PRDM7: variants seen among roughly 807,000 people sequenced by gnomAD.
PRDM7 encodes PR/SET domain 7, also known as histone-lysine N-methyltransferase PRDM7.
In PRDM7, 52 loss-of-function variants were observed where a neutral mutation model predicts 64.3. That is an observed-to-expected ratio of 0.81 (90% CI 0.65 to 1.02). PRDM7 has a LOEUF of 1.02. PRDM7 is among the 50% of genes least tolerant of loss of function. The pLI, the probability that PRDM7 is intolerant of heterozygous loss-of-function variation, is 0.00. For missense variants in PRDM7, 574 were observed against 597.1 expected, an observed-to-expected ratio of 0.96 and a Z score of 0.40; for synonymous variants, 192 against 210.1, an observed-to-expected ratio of 0.91 and a Z score of 0.74.
rs868754514 is a variant in PRDM7 at position 90,075,209 on chromosome 16, A to G, written c.193+142T>C. On this transcript the variant is annotated intron_variant, in intron 3 of 10. Transcript: ENST00000449207. This position sits in a 1 kb window ranked among gnomAD's most constrained non-coding sequence, Gnocchi z 4.3. ...ACACACAACCCTGCACTGACGCAAAAGAACAATATTTCCCTCCAGATTTGT... is the reference window on the plus strand; with the variant it reads ...ACACACAACCCTGCACTGACGCAAAGGAACAATATTTCCCTCCAGATTTGT... 3 of 1,508,020 alleles carry G rather than the reference A, an allele frequency of 2.0e-6. No homozygotes were observed. In the Middle Eastern group the frequency reaches 5.3e-4, roughly 264 times the overall value. The allele number at this position is 1,508,020 out of a possible 1,614,324, so 93.4% of individuals were successfully genotyped here. A position where few individuals can be genotyped will look rare whatever the true frequency, so the allele number is the denominator to read the frequency against.
chr16:90,072,104 G>A (rs1219053266), intron 4 of PRDM7, among the ~76,000 whole-genome samples: 2 of 151,936 alleles, frequency 1.3e-5, no homozygotes, highest in Admixed American at 6.6e-5. Context: ...GGTGGCAGGC[G>A]CTTGTAGTCC....
intron 10 of PRDM7, among the ~76,000 whole-genome samples, chr16:90,059,098 A>G (rs1259472985): frequency 6.6e-6 from 1 of 152,218 alleles, no homozygotes; most frequent in Non-Finnish European, 1.5e-5. Flanking sequence ...GAATTTGAGT[A>G]TCCTCATTCA....
rs1227852321 is a variant in PRDM7 at position 90,063,984 on chromosome 16, G to A, written c.352-216C>T. 2.6e-5 allele frequency among the ~76,000 whole-genome samples: 4 copies of A among 152,260 alleles called. No homozygotes were observed. The East Asian group carries it at 7.7e-4, about 29-fold the overall frequency. On this transcript the variant is annotated intron_variant, in intron 5 of 10. Coordinates refer to ENST00000449207, the MANE Select transcript of PRDM7 (RefSeq NM_001098173.2). ...CTTTCCTTCAACTTCCTCTCAAAAC[G>A]TTCTGTGTAAGTTAAAGGGAAGGAG...
chr16:90,076,185 C>T (rs1320779210), intron 1 of PRDM7, among the ~76,000 whole-genome samples, 190 bp from the exon 2 acceptor site: 1 of 152,180 alleles, frequency 6.6e-6, no homozygotes, highest in Non-Finnish European at 1.5e-5. Flanking sequence ...GAGCTGCCAC[C>T]TAATGTAAGC....
chr16:90,061,397 C>T (rs1567875272), intron 9 of PRDM7, 55 bp downstream of exon 9: 29 of 1,516,932 alleles, frequency 1.9e-5, no homozygotes, highest in South Asian at 4.6e-5. Flanking sequence ...GAAGGAAGTC[C>T]GGGTTTGTGA....
rs550234443 is a variant in PRDM7 at position 90,075,092 on chromosome 16, T to A, written c.194-69A>T. Reference sequence around the variant, plus strand: ...GATGAGGAACAAAGGGCAGTGGCAATGGAAAGCACCACAAAGCCAGTGCTG... The same window carrying A: ...GATGAGGAACAAAGGGCAGTGGCAAAGGAAAGCACCACAAAGCCAGTGCTG... On this transcript the variant is annotated intron_variant, in intron 3 of 10. Transcript: ENST00000449207. This position sits in a 1 kb window ranked among gnomAD's most constrained non-coding sequence, Gnocchi z 4.3. The A allele has an allele frequency of 8.0e-5, 123 of 1,545,730 alleles. 1 individual carries two copies. In the South Asian group the frequency reaches 1.3e-3, roughly 17 times the overall value.
chr16:90,071,019 A>T (rs1204723125), intron 4 of PRDM7, among the ~76,000 whole-genome samples: 1 of 152,252 alleles, frequency 6.6e-6, no homozygotes, highest in Non-Finnish European at 1.5e-5. Flanking sequence ...AAAAACCAGA[A>T]AATAGCAATG....
chr16:90,075,533 T>C lies in PRDM7; in HGVS notation c.70-59A>G. On this transcript the variant is annotated intron_variant, in intron 2 of 10. Coordinates refer to ENST00000449207, the MANE Select transcript of PRDM7 (RefSeq NM_001098173.2). This position sits in a 1 kb window ranked among gnomAD's most constrained non-coding sequence, Gnocchi z 4.3. ...CTAATACACATCGAGCTGGTCCTTT[T>C]CCTCTACCCTGCGTGTAGGGCATAG... 9.3e-6 allele frequency: 15 copies of C among 1,613,718 alleles called. No homozygotes were observed. The highest frequency in any genetic ancestry group is 1.3e-5 in the Non-Finnish European group (15 of 1,179,716).
At chr16:90,073,676 T>C (rs879371161) in intron 4 of PRDM7, among the ~76,000 whole-genome samples, 1 of 150,932 alleles carries the variant, frequency 6.6e-6, no homozygotes, top group Admixed American at 6.6e-5. Flanking sequence ...TGGGATTACA[T>C]TGTGCTTGTT....
intron 4 of PRDM7, among the ~76,000 whole-genome samples, chr16:90,071,230 C>A (rs1212816742): frequency 6.6e-6 from 1 of 152,120 alleles, no homozygotes; most frequent in Non-Finnish European, 1.5e-5. Context: ...CTCCCGGGTT[C>A]AAGTGATTCT....
At chr16:90,068,168 A>G (rs1175349645) in intron 4 of PRDM7, among the ~76,000 whole-genome samples, 1 of 150,462 alleles carries the variant, frequency 6.6e-6, no homozygotes, top group African/African-American at 2.5e-5. Context: ...AGTCCCAGCT[A>G]CTCGGGAGGC....
At position 90,058,462 on chromosome 16, in the gene PRDM7, T is replaced by C; in HGVS notation, c.1306A>G (p.Met436Val). 1 of 1,614,200 alleles carries C rather than the reference T, an allele frequency of 6.2e-7. No individual in the cohort carries two copies. The highest frequency in any genetic ancestry group is 8.5e-7 in the Non-Finnish European group (1 of 1,180,042). ...CTGAGAGGAGTGATTGCGTTCCACATGTTGACTGAGAAATTTTTGACTTGA... is the reference window on the plus strand; with the variant it reads ...CTGAGAGGAGTGATTGCGTTCCACACGTTGACTGAGAAATTTTTGACTTGA... ...PFQVKNFSVN[M>V]WNAITPLRTS... Residue 436 changes from methionine to valine, a missense_variant, in exon 11 of 11, where the codon ATG becomes GTG. By Grantham distance (21) the Met-to-Val change is conservative (BLOSUM62 1). Coordinates refer to ENST00000449207, the MANE Select transcript of PRDM7 (RefSeq NM_001098173.2).
intron 9 of PRDM7, 71 bp downstream of exon 9, chr16:90,061,381 G>T: frequency 6.8e-7 from 1 of 1,471,844 alleles, no homozygotes; most frequent in South Asian, 1.2e-5. Context: ...GAGGCATAAT[G>T]AGAAGGAAGG....
rs2038031392 is a variant in PRDM7 at position 90,075,962 on chromosome 16, C to A, written c.-52G>T. ...GCTCCAATTCTGAGTGTGGGAAGGG[C>A]CCCTGAGTCTCCCAGCTCCTAGGCC... On this transcript the variant is annotated 5_prime_UTR_variant, in exon 2 of 11. Coordinates refer to ENST00000449207, the MANE Select transcript of PRDM7 (RefSeq NM_001098173.2). The surrounding 1 kb of genome is among the most constrained non-coding windows in gnomAD (Gnocchi z 4.3). 4.4e-6 allele frequency: 7 copies of A among 1,584,258 alleles called. No homozygotes were observed. In the African/African-American group the frequency reaches 5.4e-5, roughly 12 times the overall value.
At chr16:90,074,873 C>G in intron 4 of PRDM7, 43 bp downstream of exon 4, 12 of 1,594,172 alleles carry the variant, frequency 7.5e-6, no homozygotes, top group Non-Finnish European at 1.0e-5. Flanking sequence ...GAGCGAAACT[C>G]CGTCTTTAAA....
chr16:90,066,278 G>A (rs2037870895), intron 5 of PRDM7, among the ~76,000 whole-genome samples: 1 of 151,198 alleles, frequency 6.6e-6, no homozygotes, highest in African/African-American at 2.5e-5. Context: ...ACCATCCACA[G>A]TATGAATTGT....
At chr16:90,064,866 C>A (rs1290422053) in intron 5 of PRDM7, among the ~76,000 whole-genome samples, 12 of 150,332 alleles carry the variant, frequency 8.0e-5, no homozygotes, top group Non-Finnish European at 1.2e-4. Flanking sequence ...TTACAGGTGT[C>A]CACCACCATG....
At chr16:90,067,012 T>A in intron 4 of PRDM7, 102 bp from the exon 5 acceptor site, 1 of 931,258 alleles carries the variant, frequency 1.1e-6, no homozygotes, top group Non-Finnish European at 1.7e-6. Context: ...TCGCCCAGGC[T>A]GGAGTGCAGT....
Position 90,075,250 on chromosome 16 carries a change from A to C in PRDM7, c.193+101T>G. 6.3e-7 allele frequency: 1 copy of C among 1,586,960 alleles called. No homozygotes were observed. The highest frequency in any genetic ancestry group is 8.6e-7 in the Non-Finnish European group (1 of 1,157,564). The stretch of plus-strand genomic sequence containing the variant: ...CCAGATTTGTCTCCGTGCAAAAGGG[A>C]ATTGTGGGCAGATGCCGCCACCTGA... On this transcript the variant is annotated intron_variant, in intron 3 of 10. Transcript: ENST00000449207. This position sits in a 1 kb window ranked among gnomAD's most constrained non-coding sequence, Gnocchi z 4.3.
Sources: gnomAD v4.1 joint callset for allele counts (sites outside exome capture counted in the v4.1 genomes callset) on GRCh38, gnomAD v4.1.1 for gene constraint, Gnocchi (gnomAD v3.1) non-coding constraint, MANE v1.5 for transcripts, NCBI Gene and HGNC (gene_info 2026-07-23, HGNC 2026-07-21) for gene names.